The following PAPPA2 variants were observed in gnomAD, a reference collection of about 807,000 sequenced individuals.
PAPPA2 encodes the protein pappalysin 2.
In PAPPA2, 86 loss-of-function variants were observed where a neutral mutation model predicts 176.4. The ratio of observed to expected loss-of-function variants is 0.49; its 90% confidence interval spans 0.41 to 0.58. The LOEUF (loss-of-function observed/expected upper bound fraction) is 0.58, where lower values mean the gene tolerates loss of function less well. PAPPA2 is among the 20% of genes least tolerant of loss of function. PAPPA2 has a pLI of 0.00. For missense variants in PAPPA2, 2,073 were observed against 2,256.9 expected (o/e 0.92, Z 1.65); for synonymous variants, 809 against 852.2 (o/e 0.95, Z 0.88).
At chr1:176,491,244 G>A (rs1212643817) in intron 1 of PAPPA2, among the ~76,000 whole-genome samples, 1 of 152,206 alleles carries the variant, frequency 6.6e-6, no homozygotes, top group Non-Finnish European at 1.5e-5. Context: ...GTCTGGTGAG[G>A]AAGAACATAG....
chr1:176,491,287 T>C (rs1314937086), intron 1 of PAPPA2, among the ~76,000 whole-genome samples: 1 of 152,232 alleles, frequency 6.6e-6, no homozygotes, highest in Non-Finnish European at 1.5e-5. Context: ...TGTCATGCAC[T>C]ATCTGTGTGG....
At chr1:176,818,936 C>A (rs1384944651) in intron 21 of PAPPA2, among the ~76,000 whole-genome samples, 1 of 152,162 alleles carries the variant, frequency 6.6e-6, no homozygotes, top group Non-Finnish European at 1.5e-5. Context: ...CTTATACTGG[C>A]CCTATTATTT....
intron 18 of PAPPA2, 48 bp from the exon 19 acceptor site, chr1:176,791,299 A>G (rs779423754): frequency 1.3e-6 from 2 of 1,562,108 alleles, no homozygotes; most frequent in South Asian, 1.1e-5. Flanking sequence ...TCAACTCTCA[A>G]TAAAGTTAAC....
intron 21 of PAPPA2, among the ~76,000 whole-genome samples, chr1:176,828,644 A>G (rs1666951044): frequency 6.6e-6 from 1 of 152,196 alleles, no homozygotes; most frequent in Admixed American, 6.5e-5. Context: ...AATTGCATAT[A>G]CATACATATG....
intron 12 of PAPPA2, among the ~76,000 whole-genome samples, chr1:176,721,869 A>G (rs1007463858): frequency 3.3e-5 from 5 of 151,778 alleles, no homozygotes. Context: ...GTTGCCAAAT[A>G]TACATACATT....
rs546340428 is a variant in PAPPA2 at position 176,740,548 on chromosome 1, A to G, written c.4151+352A>G. ...AAACTCAATGTTCCTTAAGCAATGTATATTTTTCCACTTCTTTCCACCTGG... is the reference window on the plus strand; with the variant it reads ...AAACTCAATGTTCCTTAAGCAATGTGTATTTTTCCACTTCTTTCCACCTGG... On this transcript the variant is annotated intron_variant, in intron 14 of 22. Coordinates refer to ENST00000367662, the MANE Select transcript of PAPPA2 (RefSeq NM_020318.3). Among the ~76,000 whole-genome samples, 3 of 152,336 alleles carry G rather than the reference A, an allele frequency of 2.0e-5. No individual in the cohort carries two copies. The East Asian group carries it at 5.8e-4, about 29-fold the overall frequency.
intron 3 of PAPPA2, among the ~76,000 whole-genome samples, chr1:176,600,548 C>T (rs928625184): frequency 1.3e-5 from 2 of 151,176 alleles, no homozygotes; most frequent in African/African-American, 2.4e-5. Flanking sequence ...TGGTAGCGGG[C>T]GCCTGTAGTC....
chr1:176,768,646 T>C (rs906945313), intron 15 of PAPPA2, among the ~76,000 whole-genome samples: 1 of 152,210 alleles, frequency 6.6e-6, no homozygotes, highest in African/African-American at 2.4e-5. Flanking sequence ...TGTGATTTGC[T>C]TGCCTGGTCG....
intron 2 of PAPPA2, among the ~76,000 whole-genome samples, chr1:176,568,376 C>G (rs1420944858): frequency 6.6e-6 from 1 of 152,184 alleles, no homozygotes; most frequent in Non-Finnish European, 1.5e-5. Flanking sequence ...CAAATATTAA[C>G]TCACATGCTC....
intron 15 of PAPPA2, 145 bp downstream of exon 15, chr1:176,765,982 T>A: frequency 1.0e-6 from 1 of 981,920 alleles, no homozygotes; most frequent in Non-Finnish European, 1.5e-6. Context: ...GCAGAGAGAA[T>A]GATGGCTTAA....
chr1:176,751,240 G>A (rs1663160779), intron 14 of PAPPA2, among the ~76,000 whole-genome samples: 1 of 151,982 alleles, frequency 6.6e-6, no homozygotes, highest in South Asian at 2.1e-4. Context: ...TTTGGTTACT[G>A]TAGCCTTGTA....
At chr1:176,722,614 A>C (rs1252847441) in intron 12 of PAPPA2, among the ~76,000 whole-genome samples, 1 of 152,024 alleles carries the variant, frequency 6.6e-6, no homozygotes, top group Non-Finnish European at 1.5e-5. Flanking sequence ...TTGGCTTTTT[A>C]TACCGTTATT....
intron 3 of PAPPA2, among the ~76,000 whole-genome samples, chr1:176,659,330 G>A (rs1176337349): frequency 6.6e-6 from 1 of 152,018 alleles, no homozygotes; most frequent in Non-Finnish European, 1.5e-5. Flanking sequence ...TCCGCTCCTA[G>A]CTTTTAGTAG....
At chr1:176,620,272 A>G (rs904222661) in intron 3 of PAPPA2, among the ~76,000 whole-genome samples, 1 of 152,048 alleles carries the variant, frequency 6.6e-6, no homozygotes, top group African/African-American at 2.4e-5. Flanking sequence ...ATTTCAATAT[A>G]TACATTTTTT....
chr1:176,590,348 A>G (rs1328318454), intron 2 of PAPPA2, among the ~76,000 whole-genome samples: 1 of 152,182 alleles, frequency 6.6e-6, no homozygotes, highest in East Asian at 1.9e-4. Flanking sequence ...TGGTAACTTA[A>G]TATTGACCAT....
chr1:176,590,431 G>A (rs964894859), intron 2 of PAPPA2, among the ~76,000 whole-genome samples: 1 of 152,000 alleles, frequency 6.6e-6, no homozygotes, highest in African/African-American at 2.4e-5. Flanking sequence ...TTTATCTTCA[G>A]AGGACCAGTT....
chr1:176,615,294 T>A (rs1344270438), intron 3 of PAPPA2, among the ~76,000 whole-genome samples: 2 of 152,174 alleles, frequency 1.3e-5, no homozygotes, highest in African/African-American at 2.4e-5. Flanking sequence ...TACAATGTGA[T>A]TTTCACAATG....
At chr1:176,611,990 G>A (rs534247966) in intron 3 of PAPPA2, among the ~76,000 whole-genome samples, 4 of 152,216 alleles carry the variant, frequency 2.6e-5, no homozygotes, top group African/African-American at 4.8e-5. Context: ...TTAGGTGCTA[G>A]TTACAACATA....
At chr1:176,685,144 G>A (rs1307603485) in intron 4 of PAPPA2, among the ~76,000 whole-genome samples, 1 of 151,900 alleles carries the variant, frequency 6.6e-6, no homozygotes, top group African/African-American at 2.4e-5. Context: ...ACAGGCAAAT[G>A]AACGTGTACT....
Sources: gnomAD v4.1 joint callset for allele counts (sites outside exome capture counted in the v4.1 genomes callset) on GRCh38, gnomAD v4.1.1 for gene constraint, MANE v1.5 for transcripts, NCBI Gene and HGNC (gene_info 2026-07-23, HGNC 2026-07-21) for gene names.